Variants in FAM135B observed in about 807,000 individuals in gnomAD.
FAM135B encodes family with sequence similarity 135 member B.
In FAM135B, 43 loss-of-function variants were observed where a neutral mutation model predicts 127.7. The observed-to-expected ratio is 0.34, with a 90% confidence interval of 0.26 to 0.43. FAM135B has a LOEUF of 0.43. Among genes scored for constraint, FAM135B ranks in the 20% least tolerant of loss-of-function variants. The pLI is 1.00. For synonymous variants in FAM135B, 670 were observed against 665.1 expected, an observed-to-expected ratio of 1.01 and a Z score of -0.11; for missense variants, 1,558 against 1,725.6, an observed-to-expected ratio of 0.90 and a Z score of 1.72.
At chr8:138,355,067 G>T (rs1190510548) in intron 2 of FAM135B, among the ~76,000 whole-genome samples, 3 of 151,946 alleles carry the variant, frequency 2.0e-5, no homozygotes. Context: ...GTGTCCAAGT[G>T]TTCTCATTGT....
At chr8:138,264,848 A>G (rs183570518) in intron 4 of FAM135B, among the ~76,000 whole-genome samples, 1 of 152,364 alleles carries the variant, frequency 6.6e-6, no homozygotes, top group African/African-American at 2.4e-5. Flanking sequence ...TGCACACCAC[A>G]TGAGGAATGC....
chr8:138,497,242 T>G lies in FAM135B; in HGVS notation c.-591A>C, dbSNP rs4909803. On this transcript the variant is annotated 5_prime_UTR_variant, in exon 1 of 20. Coordinates refer to ENST00000395297, the MANE Select transcript of FAM135B (RefSeq NM_015912.4). ...CGCTCCGCAGCCGCTGCGCACCGCG[T>G]GGGTAGACGCTGCGCGACTGGCTGG... Among the ~76,000 whole-genome samples the G allele has an allele frequency of 0.35, 52,234 of 150,276 alleles. 15,380 individuals are homozygous for G. The highest frequency in any genetic ancestry group is 0.81 in the African/African-American group (33,319 of 41,260).
chr8:138,420,781 G>A (rs569134903), intron 1 of FAM135B, among the ~76,000 whole-genome samples: 86 of 152,174 alleles, frequency 5.7e-4, no homozygotes, highest in African/African-American at 2.0e-3. Flanking sequence ...GGCTTTCAAC[G>A]AAATTCAACA....
chr8:138,370,333 C>T (rs1831032924), intron 1 of FAM135B, among the ~76,000 whole-genome samples: 1 of 152,144 alleles, frequency 6.6e-6, no homozygotes, highest in East Asian at 1.9e-4. Context: ...AACACAGACA[C>T]AGCTTCTTGG....
chr8:138,317,523 A>G (rs1024168255), intron 2 of FAM135B, among the ~76,000 whole-genome samples: 2 of 152,234 alleles, frequency 1.3e-5, no homozygotes, highest in Non-Finnish European at 2.9e-5. Flanking sequence ...GATAAACATT[A>G]TATGAGATGT....
chr8:138,415,810 C>T (rs770094147), intron 1 of FAM135B, among the ~76,000 whole-genome samples: 9 of 152,172 alleles, frequency 5.9e-5, no homozygotes, highest in Non-Finnish European at 1.2e-4. Flanking sequence ...ACAAGTTGCT[C>T]TGATCCTTCA....
intron 2 of FAM135B, among the ~76,000 whole-genome samples, chr8:138,346,569 A>C (rs1829424495): frequency 6.6e-6 from 1 of 152,268 alleles, no homozygotes; most frequent in South Asian, 2.1e-4. Flanking sequence ...ACACAGAAAT[A>C]GAAAATCAGA....
At chr8:138,468,136 T>C (rs1401606) in intron 1 of FAM135B, among the ~76,000 whole-genome samples, 71,359 of 151,746 alleles carry the variant, frequency 0.47, 17,833 homozygotes, top group East Asian at 0.84. Context: ...CATTTCTGGA[T>C]GACTGAAACT....
Position 138,137,212 on chromosome 8 carries a change from C to T in FAM135B, c.3950G>A (p.Arg1317His), listed in dbSNP as rs1261179200. Reference sequence around the variant, plus strand: ...CCTGGCTGAATGAAATGGCACATAACGGTCTTGGGGAGAAGCAACCAGCAC... The same window carrying T: ...CCTGGCTGAATGAAATGGCACATAATGGTCTTGGGGAGAAGCAACCAGCAC... ...NVVLVASPQD[R>H]YVPFHSARIE... is the part of the protein sequence containing the mutation. The change falls in exon 19 of 20, where the codon CGT becomes CAT. Residue 1317 changes from arginine (R) to histidine (H), a missense_variant. Transcript: ENST00000395297. 6 of 1,612,324 alleles carry T rather than the reference C, an allele frequency of 3.7e-6. No homozygotes were observed. Among genetic ancestry groups the T allele is most frequent in the Middle Eastern group, 1.6e-4 (1 of 6,080 alleles).
chr8:138,489,685 C>T (rs535507255), intron 1 of FAM135B, among the ~76,000 whole-genome samples: 2 of 152,092 alleles, frequency 1.3e-5, no homozygotes, highest in African/African-American at 4.8e-5. Context: ...ACCTCTCCAG[C>T]CTTTTAGCTT....
chr8:138,402,721 T>A (rs1334044104), intron 1 of FAM135B, among the ~76,000 whole-genome samples: 1 of 152,194 alleles, frequency 6.6e-6, no homozygotes, highest in Non-Finnish European at 1.5e-5. Context: ...GTCACTATAC[T>A]ACACTACCAA....
At chr8:138,423,889 G>A (rs1307692833) in intron 1 of FAM135B, among the ~76,000 whole-genome samples, 1 of 152,124 alleles carries the variant, frequency 6.6e-6, no homozygotes, top group East Asian at 1.9e-4. Flanking sequence ...CCTCAGGGGT[G>A]CATTCTCTTT....
chr8:138,456,439 ACT>A (rs1836781278), intron 1 of FAM135B, among the ~76,000 whole-genome samples: 3 of 152,158 alleles, frequency 2.0e-5, no homozygotes, highest in South Asian at 4.1e-4. Context: ...TCATTGGGAG[ACT>A]ACAAGGTTAG....
chr8:138,334,378 TTTG>T (rs1349850168), intron 2 of FAM135B, among the ~76,000 whole-genome samples: 1 of 152,246 alleles, frequency 6.6e-6, no homozygotes, highest in East Asian at 1.9e-4. Context: ...GTTTTGTTTC[TTTG>T]TTTTCTTTTT....
chr8:138,217,734 A>G (rs1034555843), intron 7 of FAM135B, among the ~76,000 whole-genome samples: 18 of 152,250 alleles, frequency 1.2e-4, no homozygotes, highest in African/African-American at 4.1e-4. Context: ...CCCGGCCGAT[A>G]TATTTCTTTA....
chr8:138,381,377 T>A (rs554833780), intron 1 of FAM135B, among the ~76,000 whole-genome samples: 1 of 152,102 alleles, frequency 6.6e-6, no homozygotes, highest in African/African-American at 2.4e-5. Flanking sequence ...AAATGTCCAA[T>A]CTAGCTTTTC....
At chr8:138,196,962 T>C (rs1024731642) in intron 8 of FAM135B, among the ~76,000 whole-genome samples, 2 of 152,200 alleles carry the variant, frequency 1.3e-5, no homozygotes, top group Non-Finnish European at 2.9e-5. Flanking sequence ...ATTTCCATGA[T>C]GTCTCATCTT....
At chr8:138,406,760 C>T (rs77043281) in intron 1 of FAM135B, among the ~76,000 whole-genome samples, 57,466 of 147,338 alleles carry the variant, frequency 0.39, 11,786 homozygotes, top group African/African-American at 0.51. Context: ...GGACGTATCT[C>T]GAAATAATCA....
intron 1 of FAM135B, among the ~76,000 whole-genome samples, chr8:138,469,614 CA>C (rs1837568961): frequency 6.6e-6 from 1 of 152,110 alleles, no homozygotes; most frequent in African/African-American, 2.4e-5. Context: ...AGATTGCTGC[CA>C]AGAAATATTA....
Sources: allele counts gnomAD v4.1 joint callset (sites outside exome capture counted in the v4.1 genomes callset), GRCh38; gene constraint gnomAD v4.1.1; transcripts MANE v1.5; gene names NCBI Gene and HGNC (gene_info 2026-07-23, HGNC 2026-07-21).